Variants in SKAP2 observed in about 807,000 individuals in gnomAD.
SKAP2 encodes src kinase-associated phosphoprotein 2.
SKAP2 carries 28 observed loss-of-function variants against 54.9 expected under a neutral mutation model. The observed-to-expected ratio is 0.51, with a 90% confidence interval of 0.38 to 0.70. The LOEUF is 0.70. Ranked by LOEUF, SKAP2 falls within the 30% of genes least tolerant of loss-of-function variation. The probability of loss-of-function intolerance (pLI) is 0.00; values close to 1 mark genes in which losing one functional copy is unlikely to be tolerated. For synonymous variants in SKAP2, 137 were observed against 134.3 expected (o/e 1.02, Z -0.14); for missense variants, 356 against 424.1 (o/e 0.84, Z 1.41).
chr7:26,794,525 G>A (rs1473269585), intron 4 of SKAP2, among the ~76,000 whole-genome samples: 1 of 152,218 alleles, frequency 6.6e-6, no homozygotes, highest in Non-Finnish European at 1.5e-5. Context: ...TTCAGGGGAG[G>A]TTGTTAAATA....
chr7:26,835,115 T>C (rs1784679159), intron 4 of SKAP2, among the ~76,000 whole-genome samples: 1 of 152,172 alleles, frequency 6.6e-6, no homozygotes, highest in Non-Finnish European at 1.5e-5. Context: ...TCTCAAAAGA[T>C]GCAGAAAAGG....
At chr7:26,724,684 C>A (rs1323890851) in intron 9 of SKAP2, among the ~76,000 whole-genome samples, 1 of 152,082 alleles carries the variant, frequency 6.6e-6, no homozygotes, top group East Asian at 1.9e-4. Flanking sequence ...CAAAAAAGCT[C>A]ATTTCAGCCT....
At chr7:26,689,104 C>T (rs1223924737) in intron 10 of SKAP2, among the ~76,000 whole-genome samples, 2 of 152,154 alleles carry the variant, frequency 1.3e-5, no homozygotes, top group Non-Finnish European at 2.9e-5. Flanking sequence ...GGTCTAGAAT[C>T]AGGCCTCTGT....
chr7:26,671,924 A>C (rs568192628), intron 11 of SKAP2, among the ~76,000 whole-genome samples: 2 of 152,200 alleles, frequency 1.3e-5, no homozygotes, highest in South Asian at 2.1e-4. Context: ...TTAAAGCCTA[A>C]TGCTTAAAAA....
chr7:26,858,390 G>A (rs1254658902), intron 1 of SKAP2, among the ~76,000 whole-genome samples: 1 of 152,090 alleles, frequency 6.6e-6, no homozygotes, highest in Non-Finnish European at 1.5e-5. Context: ...CTTATCTCAC[G>A]GTACAGCTGT....
chr7:26,659,784 T>C, the SKAP2 span, among the ~76,000 whole-genome samples: 1 of 152,076 alleles, frequency 6.6e-6, no homozygotes, highest in East Asian at 1.9e-4. Context: ...ATTCCCTTCA[T>C]AAGAAAAACA....
chr7:26,658,554 A>T, the SKAP2 span, among the ~76,000 whole-genome samples: 1 of 151,968 alleles, frequency 6.6e-6, no homozygotes, highest in Admixed American at 6.6e-5. Flanking sequence ...CCTCACTGTC[A>T]TCTGATTGTT....
chr7:26,703,351 G>A (rs1056584113), intron 9 of SKAP2, among the ~76,000 whole-genome samples: 14 of 152,106 alleles, frequency 9.2e-5, no homozygotes, highest in Non-Finnish European at 2.9e-5. Context: ...TTTGCATAAG[G>A]TCTCTAAGGT....
At chr7:26,714,413 A>G (rs930386095) in intron 9 of SKAP2, among the ~76,000 whole-genome samples, 1 of 152,238 alleles carries the variant, frequency 6.6e-6, no homozygotes, top group Non-Finnish European at 1.5e-5. Context: ...AGTTCTAATA[A>G]AGAGGAAAAC....
At chr7:26,724,558 C>T (rs1445189251) in intron 9 of SKAP2, among the ~76,000 whole-genome samples, 1 of 152,056 alleles carries the variant, frequency 6.6e-6, no homozygotes, top group Non-Finnish European at 1.5e-5. Flanking sequence ...AACATTACAT[C>T]ATTAAATTGT....
rs140742047 is a variant in SKAP2 at position 26,667,608 on chromosome 7, T to A, written c.*2058A>T. 1.2e-3 allele frequency: 181 copies of A among 152,716 alleles called. 2 individuals carry two copies. Among genetic ancestry groups the A allele is most frequent in the Non-Finnish European group, 2.0e-3 (136 of 68,022 alleles). 9.5% of individuals were successfully genotyped at this position (152,716 alleles called of 1,614,324 possible). A position where few individuals can be genotyped will look rare whatever the true frequency, so the allele number is the denominator to read the frequency against. ...GTCACTGTTCACGAGACTATCTGGC[T>A]TGGAACTGTTGGTCATCAGTTGGCA... On this transcript the variant is annotated 3_prime_UTR_variant, in exon 13 of 13. Coordinates refer to ENST00000345317, the MANE Select transcript of SKAP2 (RefSeq NM_003930.5).
chr7:26,655,387 GT>G, the SKAP2 span, among the ~76,000 whole-genome samples: 5,496 of 152,138 alleles, frequency 0.036, 333 homozygotes, highest in African/African-American at 0.12. Flanking sequence ...TTGTTTTAAT[GT>G]CCCCTAAATA....
intron 11 of SKAP2, among the ~76,000 whole-genome samples, chr7:26,682,058 A>G (rs1786515029): frequency 6.6e-6 from 1 of 152,226 alleles, no homozygotes; most frequent in Non-Finnish European, 1.5e-5. Context: ...AAATCTTAAT[A>G]TAACTCTGAG....
At chr7:26,724,008 T>G (rs929038875) in intron 9 of SKAP2, among the ~76,000 whole-genome samples, 4 of 150,738 alleles carry the variant, frequency 2.7e-5, no homozygotes, top group Non-Finnish European at 5.9e-5. Context: ...TGCCATTTCC[T>G]TAGGGTAAAC....
chr7:26,753,826 G>T (rs953299091), intron 4 of SKAP2, among the ~76,000 whole-genome samples: 1 of 152,032 alleles, frequency 6.6e-6, no homozygotes, highest in African/African-American at 2.4e-5. Flanking sequence ...CTAATAAAGA[G>T]ATTCAAGAAA....
At chr7:26,708,585 A>C (rs1156713548) in intron 9 of SKAP2, among the ~76,000 whole-genome samples, 1 of 152,062 alleles carries the variant, frequency 6.6e-6, no homozygotes, top group Non-Finnish European at 1.5e-5. Flanking sequence ...CCCAACCTTA[A>C]TCCTTTTACT....
intron 4 of SKAP2, among the ~76,000 whole-genome samples, chr7:26,842,640 T>C (rs946589662): frequency 6.0e-5 from 9 of 151,178 alleles, no homozygotes; most frequent in African/African-American, 2.2e-4. Flanking sequence ...TGTATGTGTA[T>C]ACACACATAC....
At chr7:26,776,038 G>C (rs1293930601) in intron 4 of SKAP2, among the ~76,000 whole-genome samples, 1 of 152,062 alleles carries the variant, frequency 6.6e-6, no homozygotes, top group Non-Finnish European at 1.5e-5. Flanking sequence ...TATGCTGATT[G>C]CATATTCAAT....
At chr7:26,673,700 A>G (rs1786289815) in intron 11 of SKAP2, among the ~76,000 whole-genome samples, 1 of 152,090 alleles carries the variant, frequency 6.6e-6, no homozygotes, top group Non-Finnish European at 1.5e-5. Flanking sequence ...AATAATAGTA[A>G]GGCGGTAGTG....
Sources: gnomAD v4.1 joint callset for allele counts (sites outside exome capture counted in the v4.1 genomes callset) on GRCh38, gnomAD v4.1.1 for gene constraint, MANE v1.5 for transcripts, NCBI Gene and HGNC (gene_info 2026-07-23, HGNC 2026-07-21) for gene names.